The following SLC13A1 variants were observed in gnomAD, a reference collection of about 807,000 sequenced individuals.
SLC13A1 encodes the protein Na(+)/sulfate cotransporter.
A neutral mutation model predicts 70.0 loss-of-function variants in SLC13A1; 65 were observed. The observed-to-expected ratio is 0.93, with a 90% CI of 0.76 to 1.14. SLC13A1 has a LOEUF of 1.14. Among genes scored for constraint, SLC13A1 ranks in the 50% most tolerant of loss-of-function variants. SLC13A1 has a pLI of 0.00. For synonymous variants in SLC13A1, 275 were observed against 250.5 expected (o/e 1.10, Z -0.92); for missense variants, 726 against 717.8 (o/e 1.01, Z -0.13).
rs142604571 is a variant in SLC13A1, at chr7:123,147,251, C to T, written c.720G>A (p.Thr240=). 6.8e-6 allele frequency: 11 copies of T among 1,613,654 alleles called. No individual in the cohort carries two copies. Among genetic ancestry groups the T allele is most frequent in the African/African-American group, 2.7e-5 (2 of 75,024 alleles). The change falls in exon 7 of 15, where the codon ACG becomes ACA. Residue 240 remains threonine (T), a synonymous_variant. Transcript: ENST00000194130. ...TAGAAGAGTAGGCAATGCACAAACA[C>T]GTAAGTTTACGTGTCACGTGGCCCT... The part of the protein sequence containing the change: ...TKKGHVTRKL[T]CLCIAYSSTI...
rs181947536 is a variant in SLC13A1, at chr7:123,118,887, T to G, written c.1512+194A>C. ...CACTTAAGATCATGCTGCTTGAACA[T>G]GAAAACTTAAAAACAGTTACCTAGA... On this transcript the variant is annotated intron_variant, in intron 13 of 14. Coordinates refer to ENST00000194130, the MANE Select transcript of SLC13A1 (RefSeq NM_022444.4). 6.6e-4 allele frequency among the ~76,000 whole-genome samples: 100 copies of G among 152,126 alleles called. 3 individuals carry two copies. In the East Asian group the frequency reaches 0.019, roughly 29 times the overall value.
intron 10 of SLC13A1, 35 bp downstream of exon 10, chr7:123,128,810 A>C (rs765179051): frequency 6.5e-6 from 9 of 1,387,852 alleles, no homozygotes; most frequent in Middle Eastern, 1.8e-4. Flanking sequence ...AGTATAAAAC[A>C]GGAAGGGCTG....
chr7:123,148,552 G>T, intron 6 of SLC13A1: 1 of 421,428 alleles, frequency 2.4e-6, no homozygotes, highest in Non-Finnish European at 4.7e-6. Flanking sequence ...AACACCCTTT[G>T]TTGGTTTGAT....
chr7:123,140,079 T>TA (rs1794082103), intron 7 of SLC13A1, among the ~76,000 whole-genome samples: 1 of 141,848 alleles, frequency 7.0e-6, no homozygotes, highest in African/African-American at 2.4e-5. Flanking sequence ...GCTTCTTTTT[T>TA]TAAAAAAAAT....
intron 2 of SLC13A1, among the ~76,000 whole-genome samples, chr7:123,176,877 A>T (rs781357520): frequency 3.3e-5 from 5 of 152,048 alleles, no homozygotes; most frequent in Admixed American, 6.6e-5. Context: ...AGCTATGCAG[A>T]GGTCAGTTCT....
intron 7 of SLC13A1, among the ~76,000 whole-genome samples, chr7:123,146,150 TC>T (rs1295729178): frequency 1.3e-5 from 2 of 152,228 alleles, no homozygotes; most frequent in Non-Finnish European, 2.9e-5. Context: ...CATTGAATTC[TC>T]ACAATAACCC....
intron 6 of SLC13A1, among the ~76,000 whole-genome samples, chr7:123,152,964 A>C: frequency 6.6e-6 from 1 of 152,128 alleles, no homozygotes; most frequent in East Asian, 1.9e-4. Flanking sequence ...CAAACCAGAA[A>C]GTGATGCATA....
intron 1 of SLC13A1, among the ~76,000 whole-genome samples, chr7:123,183,943 A>G (rs561361046): frequency 6.6e-6 from 1 of 151,598 alleles, no homozygotes; most frequent in East Asian, 1.9e-4. Flanking sequence ...ACACATGTGC[A>G]TTTTGTATTT....
intron 7 of SLC13A1, among the ~76,000 whole-genome samples, chr7:123,136,954 G>A (rs1427012670): frequency 6.6e-6 from 1 of 152,144 alleles, no homozygotes; most frequent in Non-Finnish European, 1.5e-5. Flanking sequence ...GGAGAGATAG[G>A]AGGCCACTGT....
chr7:123,180,340 G>C (rs886934601), intron 2 of SLC13A1, among the ~76,000 whole-genome samples: 1 of 152,120 alleles, frequency 6.6e-6, no homozygotes, highest in African/African-American at 2.4e-5. Context: ...CTGGTATCTC[G>C]AACTTAACAT....
At chr7:123,194,099 C>T (rs1329458102) in intron 1 of SLC13A1, among the ~76,000 whole-genome samples, 1 of 152,074 alleles carries the variant, frequency 6.6e-6, no homozygotes, top group Non-Finnish European at 1.5e-5. Flanking sequence ...ACACTATGCT[C>T]CATGTTCTTG....
intron 6 of SLC13A1, among the ~76,000 whole-genome samples, chr7:123,151,623 A>G (rs188448466): frequency 6.6e-6 from 1 of 152,184 alleles, no homozygotes; most frequent in Admixed American, 6.6e-5. Flanking sequence ...TTACAATACA[A>G]TGAGGTGGGT....
intron 6 of SLC13A1, among the ~76,000 whole-genome samples, chr7:123,154,198 T>C (rs1446690740): frequency 1.3e-5 from 2 of 152,138 alleles, no homozygotes; most frequent in South Asian, 4.1e-4. Context: ...CAGAATACTT[T>C]ACTTCTATGA....
chr7:123,169,409 G>T (rs1337451831), intron 3 of SLC13A1, 74 bp from the exon 4 acceptor site: 2 of 1,343,238 alleles, frequency 1.5e-6, no homozygotes, highest in Non-Finnish European at 2.1e-6. Flanking sequence ...ACTGGAAGAT[G>T]TTTAAGATGT....
intron 1 of SLC13A1, among the ~76,000 whole-genome samples, chr7:123,181,631 G>T (rs1342307414): frequency 1.3e-5 from 2 of 152,108 alleles, no homozygotes; most frequent in East Asian, 1.9e-4. Flanking sequence ...GAAAAGACAT[G>T]ACAAGTTGTG....
intron 8 of SLC13A1, among the ~76,000 whole-genome samples, chr7:123,130,520 C>T (rs1793721444): frequency 6.6e-6 from 1 of 152,034 alleles, no homozygotes; most frequent in South Asian, 2.1e-4. Flanking sequence ...ACAAGGAGAA[C>T]ACATGGAACC....
intron 2 of SLC13A1, among the ~76,000 whole-genome samples, chr7:123,179,278 T>G (rs1252665340): frequency 6.6e-6 from 1 of 152,198 alleles, no homozygotes; most frequent in African/African-American, 2.4e-5. Context: ...GCTGAGTTAC[T>G]TATGAGTTAA....
intron 6 of SLC13A1, among the ~76,000 whole-genome samples, chr7:123,155,385 A>G (rs1447209355): frequency 1.3e-5 from 2 of 151,392 alleles, no homozygotes; most frequent in African/African-American, 4.9e-5. Context: ...TGCCTTCTTG[A>G]TTCTCTTTTA....
intron 3 of SLC13A1, among the ~76,000 whole-genome samples, 183 bp downstream of exon 3, chr7:123,171,585 T>G (rs1297463369): frequency 6.6e-6 from 1 of 152,324 alleles, no homozygotes; most frequent in East Asian, 1.9e-4. Context: ...GAAAGTTGTT[T>G]TTTTTTCCTC....
Sources: allele counts gnomAD v4.1 joint callset (sites outside exome capture counted in the v4.1 genomes callset), GRCh38; gene constraint gnomAD v4.1.1; transcripts MANE v1.5; gene names NCBI Gene and HGNC (gene_info 2026-07-23, HGNC 2026-07-21).